Variants in ADGRL3 observed in about 807,000 individuals in gnomAD.
ADGRL3 encodes calcium-independent alpha-latrotoxin receptor 3.
Under a neutral mutation model 153.5 loss-of-function variants are expected in ADGRL3, and 62 were observed. That is an observed-to-expected ratio of 0.40 (90% CI 0.33 to 0.50). The LOEUF (loss-of-function observed/expected upper bound fraction) is 0.50, where lower values mean the gene tolerates loss of function less well. ADGRL3 is among the 20% of genes least tolerant of loss of function. The probability of loss-of-function intolerance (pLI) is 0.47; values close to 1 mark genes in which losing one functional copy is unlikely to be tolerated. For synonymous variants in ADGRL3, 710 were observed against 672.5 expected (o/e 1.06, Z -0.86); for missense variants, 1,641 against 1,859.4 (o/e 0.88, Z 2.16).
chr4:61,419,921 G>A (rs550983769), intron 2 of ADGRL3, among the ~76,000 whole-genome samples: 45 of 151,882 alleles, frequency 3.0e-4, no homozygotes, highest in African/African-American at 1.1e-3. Flanking sequence ...AGCCTCCCCA[G>A]TAGCTGGGAT....
intron 2 of ADGRL3, among the ~76,000 whole-genome samples, chr4:61,460,721 C>A (rs1218830914): frequency 1.3e-5 from 2 of 152,066 alleles, no homozygotes; most frequent in Non-Finnish European, 2.9e-5. Context: ...AAAGGCATAT[C>A]TTTCATGGCA....
intron 2 of ADGRL3, among the ~76,000 whole-genome samples, chr4:61,470,948 A>G (rs758292939): frequency 4.6e-5 from 7 of 151,946 alleles, no homozygotes; most frequent in Non-Finnish European, 1.0e-4. Flanking sequence ...TATATTTTAG[A>G]ACACTGGAAA....
At chr4:61,589,534 T>C (rs2098960731) in intron 5 of ADGRL3, among the ~76,000 whole-genome samples, 1 of 152,090 alleles carries the variant, frequency 6.6e-6, no homozygotes, top group African/African-American at 2.4e-5. Context: ...ACTGAAATCA[T>C]AATGGAAAAC....
intron 1 of ADGRL3, among the ~76,000 whole-genome samples, chr4:61,371,867 C>T (rs912878539): frequency 1.3e-5 from 2 of 152,278 alleles, no homozygotes; most frequent in Admixed American, 1.3e-4. Context: ...TTCAGGTACA[C>T]CAAGCAGATG....
At chr4:61,238,020 C>G (rs1753485509) in intron 1 of ADGRL3, among the ~76,000 whole-genome samples, 1 of 152,272 alleles carries the variant, frequency 6.6e-6, no homozygotes, top group Non-Finnish European at 1.5e-5. Flanking sequence ...TTTCTCCTTT[C>G]AGCTGATTGA....
intron 1 of ADGRL3, among the ~76,000 whole-genome samples, chr4:61,270,525 AG>A (rs2093109500): frequency 6.6e-6 from 1 of 151,842 alleles, no homozygotes; most frequent in South Asian, 2.1e-4. Context: ...TAGTCAAAAA[AG>A]GTCCTAATCA....
At chr4:61,715,500 T>C (rs2096089865) in intron 6 of ADGRL3, among the ~76,000 whole-genome samples, 1 of 152,142 alleles carries the variant, frequency 6.6e-6, no homozygotes, top group East Asian at 1.9e-4. Flanking sequence ...TGCTTTTTCT[T>C]GTGTAAAAGG....
At chr4:61,414,368 A>G (rs533520835) in intron 2 of ADGRL3, among the ~76,000 whole-genome samples, 1 of 152,188 alleles carries the variant, frequency 6.6e-6, no homozygotes, top group Admixed American at 6.5e-5. Flanking sequence ...ATTTCCTACT[A>G]CTAAACATAT....
intron 4 of ADGRL3, among the ~76,000 whole-genome samples, chr4:61,525,226 G>A (rs1400468412): frequency 6.6e-6 from 1 of 152,080 alleles, no homozygotes; most frequent in African/African-American, 2.4e-5. Flanking sequence ...AGATAAGGTA[G>A]TATTTTAATT....
chr4:61,807,220 A>G (rs2148519693), intron 8 of ADGRL3, among the ~76,000 whole-genome samples: 1 of 152,284 alleles, frequency 6.6e-6, no homozygotes, highest in Admixed American at 6.5e-5. Flanking sequence ...TGAATAAATT[A>G]GTAATGAGGG....
rs561896918 is a variant in ADGRL3 at position 61,580,615 on chromosome 4, A to C, written c.260-6612A>C. On this transcript the variant is annotated intron_variant, in intron 4 of 26. Transcript: ENST00000683033. ...TTAGGAGTCCAGGAGTAGTTTAATT[A>C]GTTGGGTATAGCCCCGGGGTTTCTC... Among the ~76,000 whole-genome samples, 95 of 152,136 alleles carry C rather than the reference A, an allele frequency of 6.2e-4. 1 individual carries two copies. In the South Asian group the frequency reaches 0.019, roughly 31 times the overall value.
At chr4:61,538,761 G>A (rs1241414025) in intron 4 of ADGRL3, among the ~76,000 whole-genome samples, 1 of 151,954 alleles carries the variant, frequency 6.6e-6, no homozygotes, top group Non-Finnish European at 1.5e-5. Context: ...GATTTTATTT[G>A]GTGGTACAGT....
chr4:61,819,919 A>G (rs2097732040), intron 9 of ADGRL3, among the ~76,000 whole-genome samples: 1 of 152,124 alleles, frequency 6.6e-6, no homozygotes, highest in Admixed American at 6.5e-5. Context: ...ATATAAAATC[A>G]CATTCTAACC....
intron 9 of ADGRL3, among the ~76,000 whole-genome samples, chr4:61,852,322 T>C (rs994820067): frequency 5.3e-5 from 8 of 151,802 alleles, no homozygotes; most frequent in African/African-American, 1.7e-4. Context: ...TATTTTATTT[T>C]ATTATTTTTT....
chr4:61,910,708 G>A (rs1040645653), intron 12 of ADGRL3, among the ~76,000 whole-genome samples: 1 of 151,486 alleles, frequency 6.6e-6, no homozygotes, highest in Non-Finnish European at 1.5e-5. Flanking sequence ...TAATATTCCT[G>A]TATGGAATTC....
chr4:62,078,153 C>T lies in ADGRL3; in HGVS notation c.*7245C>T, dbSNP rs1231595562. The T allele has an allele frequency of 6.6e-6, 1 of 152,058 alleles. No individual in the cohort carries two copies. The highest frequency in any genetic ancestry group is 1.9e-4 in the East Asian group (1 of 5,184). 9.4% of individuals were successfully genotyped at this position (152,058 alleles called of 1,614,324 possible). ...AGAATATAGCTATTGTGGCTTTGGT[C>T]GCTTAGGATTCTCATATATTTACAC... is the stretch of plus-strand genomic sequence containing the variant. On this transcript the variant is annotated 3_prime_UTR_variant, in exon 27 of 27. Transcript: ENST00000683033.
chr4:61,753,453 A>G (rs2096782104), intron 8 of ADGRL3, among the ~76,000 whole-genome samples: 1 of 152,192 alleles, frequency 6.6e-6, no homozygotes, highest in African/African-American at 2.4e-5. Flanking sequence ...AGAGCATAGT[A>G]TGGAAGTTTC....
intron 8 of ADGRL3, among the ~76,000 whole-genome samples, chr4:61,756,656 G>T (rs949991469): frequency 3.9e-5 from 6 of 152,158 alleles, no homozygotes. Context: ...CCAACACTGT[G>T]TTGAATAGGA....
intron 5 of ADGRL3, among the ~76,000 whole-genome samples, chr4:61,588,219 A>C (rs1258597905): frequency 1.3e-5 from 2 of 151,884 alleles, no homozygotes; most frequent in African/African-American, 4.8e-5. Flanking sequence ...GCCTACAGCT[A>C]TTCAGTTATT....
Sources: allele counts gnomAD v4.1 joint callset (sites outside exome capture counted in the v4.1 genomes callset), GRCh38; gene constraint gnomAD v4.1.1; transcripts MANE v1.5; gene names NCBI Gene and HGNC (gene_info 2026-07-23, HGNC 2026-07-21).